Variants in VWDE observed in about 807,000 individuals in gnomAD.
The protein encoded by VWDE is von Willebrand factor D and EGF domain-containing protein.
In VWDE, 207 loss-of-function variants were observed where a neutral mutation model predicts 178.4. That is an observed-to-expected ratio of 1.16 (90% CI 1.04 to 1.30). The LOEUF (loss-of-function observed/expected upper bound fraction) is 1.30, where lower values mean the gene tolerates loss of function less well. VWDE is among the 50% of genes most tolerant of loss of function. The probability of loss-of-function intolerance (pLI) is 0.00; values close to 1 mark genes in which losing one functional copy is unlikely to be tolerated. For missense variants in VWDE, 2,287 were observed against 1,901.3 expected, an observed-to-expected ratio of 1.20 and a Z score of -3.77; for synonymous variants, 738 against 651.4, an observed-to-expected ratio of 1.13 and a Z score of -2.02.
intron 28 of VWDE, among the ~76,000 whole-genome samples, chr7:12,332,326 C>T (rs534105083): frequency 1.6e-4 from 25 of 152,178 alleles, no homozygotes; most frequent in African/African-American, 5.1e-4. Flanking sequence ...TTCCCCATGG[C>T]CTTCTGGCAT....
intron 27 of VWDE, among the ~76,000 whole-genome samples, chr7:12,335,880 G>C (rs1184564492): frequency 6.6e-6 from 1 of 151,990 alleles, no homozygotes; most frequent in Non-Finnish European, 1.5e-5. Flanking sequence ...GCCCACCTGG[G>C]GAAACTTTAT....
At chr7:12,336,951 G>T (rs1281788263) in intron 26 of VWDE, 37 bp downstream of exon 26, 1 of 1,503,776 alleles carries the variant, frequency 6.6e-7, no homozygotes, top group Admixed American at 2.2e-5. Flanking sequence ...TCCCATGAAG[G>T]ACGAAAGCTT....
chr7:12,342,629 T>A (rs893930162), intron 22 of VWDE, among the ~76,000 whole-genome samples: 1 of 151,562 alleles, frequency 6.6e-6, no homozygotes, highest in African/African-American at 2.4e-5. Context: ...TTTCCTGGGA[T>A]AAATCTATTT....
At chr7:12,346,645 A>G (rs1583283758) in intron 19 of VWDE, among the ~76,000 whole-genome samples, 1 of 152,004 alleles carries the variant, frequency 6.6e-6, no homozygotes, top group East Asian at 1.9e-4. Flanking sequence ...TATTTATTTC[A>G]CCTGCCAAAA....
chr7:12,353,499 TAATG>T (rs1444905778), intron 18 of VWDE, among the ~76,000 whole-genome samples: 2 of 152,198 alleles, frequency 1.3e-5, no homozygotes, highest in African/African-American at 4.8e-5. Context: ...ACTTAAAACT[TAATG>T]AATCTCTTTC....
At chr7:12,374,941 G>A in intron 8 of VWDE, 69 bp downstream of exon 8, 1 of 1,427,632 alleles carries the variant, frequency 7.0e-7, no homozygotes, top group Non-Finnish European at 9.5e-7. Flanking sequence ...AAGTTTATAA[G>A]ACATAATGAT....
intron 18 of VWDE, among the ~76,000 whole-genome samples, chr7:12,354,751 C>T (rs1292382599): frequency 2.0e-5 from 3 of 152,150 alleles, no homozygotes; most frequent in South Asian, 4.1e-4. Context: ...GAGTTAAGAA[C>T]TCCATTAATA....
chr7:12,347,037 A>G (rs1218880069), intron 19 of VWDE, among the ~76,000 whole-genome samples: 2 of 152,186 alleles, frequency 1.3e-5, no homozygotes, highest in Non-Finnish European at 2.9e-5. Flanking sequence ...AATAGAAACA[A>G]GAGTGCACCA....
Position 12,359,626 on chromosome 7 carries a change from A to T in VWDE, c.3226T>A (p.Leu1076Met). Residue 1076 changes from leucine to methionine, a missense_variant, in exon 16 of 29, where the codon TTG (leucine) becomes ATG (methionine). Physicochemically the swap from Leu to Met is conservative, Grantham distance 15. Transcript: ENST00000275358. ...CTTGAAATTTTGGGTCTACAAATCA[A>T]ACAAGGGCTGGTTGGATTTTTGTCT... ...EGDKNPTSPC[L>M]ICRPKISRFT... 6.4e-7 allele frequency: 1 copy of T among 1,550,676 alleles called. No individual in the cohort carries two copies. Among genetic ancestry groups the T allele is most frequent in the Non-Finnish European group, 8.7e-7 (1 of 1,146,392 alleles).
chr7:12,333,430 T>C, intron 28 of VWDE, 35 bp downstream of exon 28: 2 of 1,293,860 alleles, frequency 1.5e-6, no homozygotes, highest in Non-Finnish European at 2.2e-6. Context: ...AATGTCAATG[T>C]CTAATATTTA....
chr7:12,354,221 C>A (rs1004139810), intron 18 of VWDE: 4 of 295,584 alleles, frequency 1.4e-5, no homozygotes, highest in African/African-American at 9.1e-5. Context: ...TCCTTTGTAT[C>A]TAGTTCAATG....
chr7:12,374,611 A>T, intron 9 of VWDE, 78 bp downstream of exon 9: 1 of 1,049,912 alleles, frequency 9.5e-7, no homozygotes, highest in Non-Finnish European at 1.4e-6. Context: ...AAAATTATAA[A>T]ACAATACACT....
intron 13 of VWDE, among the ~76,000 whole-genome samples, chr7:12,364,539 G>A (rs1269400675): frequency 1.3e-5 from 2 of 152,090 alleles, no homozygotes; most frequent in East Asian, 3.9e-4. Flanking sequence ...GCCAAATAAA[G>A]AATGATAGCA....
chr7:12,394,777 G>A (rs913053201), intron 1 of VWDE, among the ~76,000 whole-genome samples: 21 of 152,006 alleles, frequency 1.4e-4, no homozygotes, highest in African/African-American at 5.1e-4. Context: ...ATAGAAAGGT[G>A]AAAGAAACAA....
At chr7:12,384,920 T>C (rs772459261) in intron 3 of VWDE, among the ~76,000 whole-genome samples, 5 of 152,142 alleles carry the variant, frequency 3.3e-5, no homozygotes, top group Admixed American at 6.6e-5. Context: ...TAACTTCTCA[T>C]AGGCTACATA....
rs539925342 is a variant in VWDE, at chr7:12,362,322, T to C, written c.2899-801A>G. On this transcript the variant is annotated intron_variant, in intron 13 of 28. Transcript: ENST00000275358. ...ATTTTTCTTGAGAATTCAGCTACTTTCTTATTCTTGATTCTCTAAGAAATA... is the reference window on the plus strand; with the variant it reads ...ATTTTTCTTGAGAATTCAGCTACTTCCTTATTCTTGATTCTCTAAGAAATA... 7.1e-4 allele frequency among the ~76,000 whole-genome samples: 108 copies of C among 152,212 alleles called. 1 individual carries two copies. The highest frequency in any genetic ancestry group is 2.1e-4 in the South Asian group (1 of 4,828).
rs117505835 is a variant in VWDE, at chr7:12,350,251, T to A, written c.3886+1322A>T. 5.0e-3 allele frequency among the ~76,000 whole-genome samples: 764 copies of A among 152,104 alleles called. 4 individuals carry two copies. The highest frequency in any genetic ancestry group is 0.014 in the Middle Eastern group (4 of 294). ...AATATATCAGGATTAGACTTGTACC[T>A]ATTAATATAATTATATAATTGCATA... is the stretch of plus-strand genomic sequence containing the variant. On this transcript the variant is annotated intron_variant, in intron 19 of 28. Transcript: ENST00000275358.
chr7:12,374,571 T>C, intron 9 of VWDE, 118 bp downstream of exon 9: 1 of 666,296 alleles, frequency 1.5e-6, no homozygotes, highest in South Asian at 2.4e-5. Flanking sequence ...CAGTAATGCC[T>C]TTCTGTCTAA....
chr7:12,393,780 T>A lies in VWDE; in HGVS notation c.59-2A>T. 1 of 1,535,564 alleles carries A rather than the reference T, an allele frequency of 6.5e-7. No homozygotes were observed. Among genetic ancestry groups the A allele is most frequent in the Non-Finnish European group, 8.8e-7 (1 of 1,139,974 alleles). ...GTCCCCCAGGAGAGCACTCCTGAGCTAGTATGGAAAGACAGGTGTTTTTAT... is the reference window on the plus strand; with the variant it reads ...GTCCCCCAGGAGAGCACTCCTGAGCAAGTATGGAAAGACAGGTGTTTTTAT... On this transcript the variant is annotated splice_acceptor_variant, in intron 1 of 28. Coordinates refer to ENST00000275358, the MANE Select transcript of VWDE (RefSeq NM_001135924.3). LOFTEE classifies it high-confidence loss of function.
Sources: allele counts gnomAD v4.1 joint callset (sites outside exome capture counted in the v4.1 genomes callset), GRCh38; gene constraint gnomAD v4.1.1; transcripts MANE v1.5; gene names NCBI Gene and HGNC (gene_info 2026-07-23, HGNC 2026-07-21).